Variants in FER observed in about 807,000 individuals in gnomAD.
FER encodes tyrosine-protein kinase Fer.
A neutral mutation model predicts 111.0 loss-of-function variants in FER; 63 were observed. That is an observed-to-expected ratio of 0.57 (90% CI 0.46 to 0.70). The LOEUF (loss-of-function observed/expected upper bound fraction) is 0.70, where lower values mean the gene tolerates loss of function less well. Ranked by LOEUF, FER falls within the 30% of genes least tolerant of loss-of-function variation. The pLI, the probability that FER is intolerant of heterozygous loss-of-function variation, is 0.00. For missense variants in FER, 914 were observed against 954.0 expected, an observed-to-expected ratio of 0.96 and a Z score of 0.55; for synonymous variants, 327 against 313.9, an observed-to-expected ratio of 1.04 and a Z score of -0.44.
intron 9 of FER, among the ~76,000 whole-genome samples, chr5:108,889,481 G>T (rs890479799): frequency 1.3e-5 from 2 of 151,950 alleles, no homozygotes; most frequent in Non-Finnish European, 2.9e-5. Flanking sequence ...TTGCTTATTT[G>T]TAGGAGCTAA....
chr5:109,102,729 C>G (rs1033298852), intron 17 of FER, among the ~76,000 whole-genome samples: 2 of 152,078 alleles, frequency 1.3e-5, no homozygotes, highest in Non-Finnish European at 1.5e-5. Context: ...TTTATGATAT[C>G]TCCCAACTAG....
At chr5:108,942,081 G>A (rs776237534) in intron 10 of FER, among the ~76,000 whole-genome samples, 1 of 152,042 alleles carries the variant, frequency 6.6e-6, no homozygotes, top group Admixed American at 6.6e-5. Context: ...ACCTAAGACT[G>A]TTCTAAAAAG....
intron 8 of FER, among the ~76,000 whole-genome samples, chr5:108,881,658 T>G (rs1192612022): frequency 2.0e-5 from 3 of 152,188 alleles, no homozygotes; most frequent in Non-Finnish European, 4.4e-5. Flanking sequence ...GGGTTACTTA[T>G]GAGGTCTCTT....
In FER at chr5:109,194,302, T is replaced by A. The variant is rs1288779547; in HGVS notation, c.*6727T>A. 2.0e-5 allele frequency: 3 copies of A among 152,140 alleles called. No homozygotes were observed. The highest frequency in any genetic ancestry group is 7.2e-5 in the African/African-American group (3 of 41,418). 9.4% of individuals were successfully genotyped at this position (152,140 alleles called of 1,614,324 possible). On this transcript the variant is annotated 3_prime_UTR_variant, in exon 20 of 20. Transcript: ENST00000281092. ...AATGTTAAGGAGTTTTTTCATAGCT[T>A]CAGAAAAGAGGGCAGCAAATATGAA...
chr5:109,122,315 T>C (rs576748512), intron 17 of FER, among the ~76,000 whole-genome samples: 2 of 152,298 alleles, frequency 1.3e-5, no homozygotes, highest in African/African-American at 2.4e-5. Context: ...CTTCTTAATT[T>C]CTTCATTGAT....
Position 109,187,549 on chromosome 5 carries a change from A to G in FER, c.2443A>G (p.Thr815Ala), listed in dbSNP as rs141808872. The change falls in exon 20 of 20, where the codon ACT (threonine) becomes GCT (alanine). Residue 815 changes from threonine to alanine, a missense_variant. By Grantham distance (58) the Thr-to-Ala change is moderately conservative. Coordinates refer to ENST00000281092, the MANE Select transcript of FER (RefSeq NM_005246.4). ...GTTCAGTGAACTTCAGAAAGAGCTC[A>G]CTATCATCAAGAGAAAACTCACATA... ...PKFSELQKEL[T>A]IIKRKLT 5 of 1,614,046 alleles carry G rather than the reference A, an allele frequency of 3.1e-6. No individual in the cohort carries two copies. The Admixed American group carries it at 5.0e-5, about 16-fold the overall frequency.
chr5:109,100,296 T>G (rs2150065195), intron 16 of FER, 100 bp from the exon 17 acceptor site: 1 of 1,414,574 alleles, frequency 7.1e-7, no homozygotes, highest in East Asian at 2.3e-5. Flanking sequence ...AAATGTGTAA[T>G]GCATTTTGCT....
intron 16 of FER, among the ~76,000 whole-genome samples, chr5:109,082,060 G>A (rs185527291): frequency 2.0e-5 from 3 of 152,052 alleles, no homozygotes; most frequent in Admixed American, 2.0e-4. Context: ...TTGAACGGGG[G>A]ACAGGGAATG....
At chr5:108,933,119 TG>T (rs1754931447) in intron 10 of FER, among the ~76,000 whole-genome samples, 1 of 152,226 alleles carries the variant, frequency 6.6e-6, no homozygotes. Context: ...TTGTCAATTT[TG>T]GCTTTTGTTG....
chr5:108,989,407 GAAAT>G (rs1762919201), intron 13 of FER, among the ~76,000 whole-genome samples: 1 of 151,856 alleles, frequency 6.6e-6, no homozygotes, highest in Admixed American at 6.6e-5. Flanking sequence ...AAATAATTAA[GAAAT>G]AAATATTAAG....
At chr5:108,773,498 C>G (rs1054305324) in intron 2 of FER, among the ~76,000 whole-genome samples, 2 of 152,176 alleles carry the variant, frequency 1.3e-5, no homozygotes, top group African/African-American at 4.8e-5. Context: ...CTTCCAATTC[C>G]ATCCATGTCC....
At chr5:109,162,851 T>A (rs901516160) in intron 17 of FER, among the ~76,000 whole-genome samples, 1 of 151,966 alleles carries the variant, frequency 6.6e-6, no homozygotes, top group Non-Finnish European at 1.5e-5. Context: ...CCTATTTTTT[T>A]AATCACCTTT....
At chr5:109,165,655 TCA>T (rs1756477688) in intron 17 of FER, among the ~76,000 whole-genome samples, 1 of 151,454 alleles carries the variant, frequency 6.6e-6, no homozygotes, top group African/African-American at 2.4e-5. Context: ...CACATATATA[TCA>T]CAGACTCAGT....
intron 5 of FER, among the ~76,000 whole-genome samples, chr5:108,866,064 G>T (rs1580948724): frequency 1.3e-5 from 2 of 152,280 alleles, no homozygotes; most frequent in South Asian, 2.1e-4. Flanking sequence ...AGTACCATTT[G>T]ACCCAGCCAT....
At chr5:109,124,070 C>CA (rs146801097) in intron 17 of FER, among the ~76,000 whole-genome samples, 6,922 of 146,952 alleles carry the variant, frequency 0.047, 182 homozygotes, top group South Asian at 0.087. Flanking sequence ...ACAAAAAATA[C>CA]AAAAAAAAAA....
chr5:109,078,706 G>A (rs1194234628), intron 16 of FER, among the ~76,000 whole-genome samples: 1 of 152,164 alleles, frequency 6.6e-6, no homozygotes, highest in Non-Finnish European at 1.5e-5. Context: ...AATGATGGGT[G>A]TAGTCACACA....
chr5:108,771,079 A>G (rs13178668), intron 2 of FER, among the ~76,000 whole-genome samples: 62,094 of 151,428 alleles, frequency 0.41, 13,311 homozygotes, highest in African/African-American at 0.49. Flanking sequence ...GGGATTACAG[A>G]TGCCCGCCAC....
chr5:108,769,137 A>AT (rs1752630026), intron 2 of FER, among the ~76,000 whole-genome samples: 1 of 152,114 alleles, frequency 6.6e-6, no homozygotes, highest in South Asian at 2.1e-4. Flanking sequence ...TTATAATACA[A>AT]TTTTTTAAGG....
intron 17 of FER, among the ~76,000 whole-genome samples, chr5:109,162,472 C>A (rs549928593): frequency 1.3e-5 from 2 of 152,122 alleles, no homozygotes; most frequent in East Asian, 3.9e-4. Context: ...TTAGAAAAGG[C>A]TACATTAGAG....
Sources: gnomAD v4.1 joint callset for allele counts (sites outside exome capture counted in the v4.1 genomes callset) on GRCh38, gnomAD v4.1.1 for gene constraint, MANE v1.5 for transcripts, NCBI Gene and HGNC (gene_info 2026-07-23, HGNC 2026-07-21) for gene names.